SMAD4: variants seen among roughly 807,000 people sequenced by gnomAD.
SMAD4 encodes the protein SMAD family member 4.
Under a neutral mutation model 63.2 loss-of-function variants are expected in SMAD4, and 7 were observed. That is an observed-to-expected ratio of 0.11 (90% CI 0.06 to 0.21). The LOEUF is 0.21. Ranked by LOEUF, SMAD4 falls within the 10% of genes least tolerant of loss-of-function variation. SMAD4 has a pLI of 1.00. For missense variants in SMAD4, 312 were observed against 693.8 expected, an observed-to-expected ratio of 0.45 and a Z score of 6.18; for synonymous variants, 215 against 235.4, an observed-to-expected ratio of 0.91 and a Z score of 0.79.
intron 4 of SMAD4, 101 bp from the exon 5 acceptor site, chr18:51,054,680 G>A: frequency 1.3e-6 from 1 of 762,620 alleles, no homozygotes; most frequent in Non-Finnish European, 2.2e-6. Context: ...AATTTACACT[G>A]TAATTGATTT....
At chr18:51,036,810 T>TC (rs1327240220) in intron 1 of SMAD4, among the ~76,000 whole-genome samples, 1 of 152,138 alleles carries the variant, frequency 6.6e-6, no homozygotes, top group Admixed American at 6.5e-5. Flanking sequence ...TTTTGATACA[T>TC]CCCCCTTTGA....
intron 10 of SMAD4, among the ~76,000 whole-genome samples, chr18:51,068,237 C>T (rs1310001376): frequency 6.6e-6 from 1 of 152,202 alleles, no homozygotes; most frequent in Non-Finnish European, 1.5e-5. Flanking sequence ...CACTTTTAAA[C>T]ATGCCAAGTA....
At chr18:51,037,015 T>G (rs556289836) in intron 1 of SMAD4, among the ~76,000 whole-genome samples, 1 of 152,088 alleles carries the variant, frequency 6.6e-6, no homozygotes. Context: ...CAAAAATTCA[T>G]TGGGCATGGT....
intron 10 of SMAD4, 39 bp downstream of exon 10, chr18:51,067,226 C>T (rs1396033336): frequency 8.6e-7 from 1 of 1,168,756 alleles, no homozygotes; most frequent in Non-Finnish European, 1.3e-6. Flanking sequence ...AGACTTAAAG[C>T]TCTATTTGTT....
intron 7 of SMAD4, 43 bp downstream of exon 7, chr18:51,058,499 TTTGGTAGGGCTTTGTTTTCTG>T: frequency 7.7e-7 from 1 of 1,302,182 alleles, no homozygotes; most frequent in Non-Finnish European, 1.1e-6. Flanking sequence ...TTTTTTTTTT[TTTGGTAGGGCTTTGTTTTCTG>T]TTTTTTAAAA....
At chr18:51,071,506 T>C (rs1442650621) in intron 10 of SMAD4, among the ~76,000 whole-genome samples, 2 of 152,206 alleles carry the variant, frequency 1.3e-5, no homozygotes, top group African/African-American at 2.4e-5. Context: ...ATGAAGCAAA[T>C]GTTTGAATTC....
At position 51,083,254 on chromosome 18, in the gene SMAD4, G is replaced by C. The variant is rs1910652434; in HGVS notation, c.*4787G>C. On this transcript the variant is annotated 3_prime_UTR_variant, in exon 12 of 12. Transcript: ENST00000342988. ...GCAAAACAAACCTTGGGAAACTAAG[G>C]CCATTTGTTTTGTTTTGGTGTCCCC... is the stretch of plus-strand genomic sequence containing the variant. 1 of 227,058 alleles carries C rather than the reference G, an allele frequency of 4.4e-6. No individual in the cohort carries two copies. Among genetic ancestry groups the C allele is most frequent in the Admixed American group, 5.7e-5 (1 of 17,562 alleles). 14.1% of individuals were successfully genotyped at this position (227,058 alleles called of 1,614,324 possible). A position where few individuals can be genotyped will look rare whatever the true frequency, so the allele number is the denominator to read the frequency against.
At chr18:51,038,132 A>G (rs986223154) in intron 1 of SMAD4, among the ~76,000 whole-genome samples, 3 of 151,982 alleles carry the variant, frequency 2.0e-5, no homozygotes, top group African/African-American at 4.8e-5. Flanking sequence ...GTGTAGTGGC[A>G]TGTAGTTCTA....
rs778555013 is a variant in SMAD4, at chr18:51,054,827, G to GGGACAGCCATCGTTGTCCACTGAA, written c.507_530dup (p.Gln169_Gly176dup). ...AGGATGAATATGTGCATGACTTTGAGGGACAGCCATCGTTGTCCACTGAAG... is the reference window on the plus strand; with the variant it reads ...AGGATGAATATGTGCATGACTTTGAGGGACAGCCATCGTTGTCCACTGAAGGACAGCCATCGTTGTCCACTGAAG... On this transcript the variant is annotated inframe_insertion, in exon 5 of 12. Coordinates refer to ENST00000342988, the MANE Select transcript of SMAD4 (RefSeq NM_005359.6). The GGGACAGCCATCGTTGTCCACTGAA allele has an allele frequency of 6.2e-7, 1 of 1,613,766 alleles. No homozygotes were observed.
chr18:51,052,194 C>G (rs1568204346), intron 4 of SMAD4: 1 of 152,438 alleles, frequency 6.6e-6, no homozygotes, highest in East Asian at 1.9e-4. Flanking sequence ...ACACTGGGTA[C>G]TCGTGTGTCA....
At chr18:51,038,212 G>A (rs930514075) in intron 1 of SMAD4, among the ~76,000 whole-genome samples, 2 of 146,088 alleles carry the variant, frequency 1.4e-5, no homozygotes, top group Admixed American at 1.4e-4. Flanking sequence ...AGCTAGGATC[G>A]CACCACTGCA....
chr18:51,072,156 T>C (rs1350426277), intron 10 of SMAD4, among the ~76,000 whole-genome samples: 1 of 152,236 alleles, frequency 6.6e-6, no homozygotes, highest in Non-Finnish European at 1.5e-5. Context: ...TGTAAACTTT[T>C]TGAGAAACTG....
In SMAD4 at chr18:51,083,328, T is replaced by G. The variant is rs1367093086; in HGVS notation, c.*4861T>G. The stretch of plus-strand genomic sequence containing the variant: ...TACTCCTGTACAGATATTTTTGACC[T>G]ATAGGTGCCTTTATGAGAATTGAGG... On this transcript the variant is annotated 3_prime_UTR_variant, in exon 12 of 12. Coordinates refer to ENST00000342988, the MANE Select transcript of SMAD4 (RefSeq NM_005359.6). 2.2e-5 allele frequency: 5 copies of G among 228,120 alleles called. No individual in the cohort carries two copies. The highest frequency in any genetic ancestry group is 1.1e-4 in the African/African-American group (5 of 45,038). The allele number at this position is 228,120 out of a possible 1,614,324, so 14.1% of individuals were successfully genotyped here.
chr18:51,033,720 T>A (rs1387970271), intron 1 of SMAD4, among the ~76,000 whole-genome samples: 1 of 152,220 alleles, frequency 6.6e-6, no homozygotes, highest in East Asian at 1.9e-4. Flanking sequence ...TTCTAAAATG[T>A]GTAATTTTGG....
At chr18:51,052,058 C>T (rs778798661) in intron 4 of SMAD4, among the ~76,000 whole-genome samples, 24 of 152,090 alleles carry the variant, frequency 1.6e-4, no homozygotes, top group East Asian at 1.5e-3. Context: ...GCGATCCACC[C>T]GTCTCAGCCT....
Position 51,076,937 on chromosome 18 carries a change from T to C in SMAD4, c.1447+161T>C, listed in dbSNP as rs1910487915. ...GGTAAAATCTGTTCTTCTGTAATAG[T>C]TGCTTTTTGCCTATGACCCTGTTTG... On this transcript the variant is annotated intron_variant, in intron 11 of 11. Coordinates refer to ENST00000342988, the MANE Select transcript of SMAD4 (RefSeq NM_005359.6). 6 of 580,440 alleles carry C rather than the reference T, an allele frequency of 1.0e-5. No homozygotes were observed. The South Asian group carries it at 1.5e-4, about 15-fold the overall frequency. 36.0% of individuals were successfully genotyped at this position (580,440 alleles called of 1,614,324 possible).
At chr18:51,040,421 C>CAAA (rs11444945) in intron 1 of SMAD4, among the ~76,000 whole-genome samples, 1 of 138,498 alleles carries the variant, frequency 7.2e-6, no homozygotes, top group African/African-American at 2.7e-5. Context: ...AACTCTGTCT[C>CAAA]AAAAAAAAAA....
At chr18:51,056,659 G>A (rs945122263) in intron 5 of SMAD4, among the ~76,000 whole-genome samples, 2 of 149,556 alleles carry the variant, frequency 1.3e-5, no homozygotes, top group Non-Finnish European at 3.0e-5. Context: ...GTTCCCTTAG[G>A]TCTCAAAAAG....
At chr18:51,055,734 G>T (rs1909827941) in intron 5 of SMAD4, among the ~76,000 whole-genome samples, 1 of 151,058 alleles carries the variant, frequency 6.6e-6, no homozygotes, top group Admixed American at 6.6e-5. Context: ...TAATCATAGA[G>T]CATTGTCTTG....
Sources: allele counts gnomAD v4.1 joint callset (sites outside exome capture counted in the v4.1 genomes callset), GRCh38; gene constraint gnomAD v4.1.1; transcripts MANE v1.5; gene names NCBI Gene and HGNC (gene_info 2026-07-23, HGNC 2026-07-21).